ADGRG6: variants seen among roughly 807,000 people sequenced by gnomAD.
The protein encoded by ADGRG6 is G-protein coupled receptor 126.
Under a neutral mutation model 142.4 loss-of-function variants are expected in ADGRG6, and 84 were observed. The observed-to-expected ratio is 0.59, with a 90% CI of 0.49 to 0.71. The LOEUF is 0.71. Ranked by LOEUF, ADGRG6 falls within the 30% of genes least tolerant of loss-of-function variation. The pLI is 0.00. For synonymous variants in ADGRG6, 521 were observed against 520.5 expected, an observed-to-expected ratio of 1.00 and a Z score of -0.01; for missense variants, 1,367 against 1,466.6, an observed-to-expected ratio of 0.93 and a Z score of 1.11.
chr6:142,390,371 T>TA, intron 7 of ADGRG6, 28 bp downstream of exon 7: 10 of 1,345,466 alleles, frequency 7.4e-6, no homozygotes, highest in Admixed American at 1.9e-5. Flanking sequence ...TTTTCTTTTT[T>TA]AAAAAAATTC....
chr6:142,443,733 C>T lies in ADGRG6; in HGVS notation c.*218C>T, dbSNP rs1246231297. On this transcript the variant is annotated 3_prime_UTR_variant, in exon 25 of 25. Transcript: ENST00000367609. ...ACTAAAACTTCAGTACTGAGAGTAA[C>T]ATGACTCAGTAGCCACAGAAGCTAT... 2 of 418,114 alleles carry T rather than the reference C, an allele frequency of 4.8e-6. No individual in the cohort carries two copies. Among genetic ancestry groups the T allele is most frequent in the African/African-American group, 4.1e-5 (2 of 48,488 alleles). The allele number at this position is 418,114 out of a possible 1,614,324, so 25.9% of individuals were successfully genotyped here.
chr6:142,395,259 T>A (rs1301057715), intron 9 of ADGRG6, among the ~76,000 whole-genome samples: 2 of 152,190 alleles, frequency 1.3e-5, no homozygotes, highest in African/African-American at 4.8e-5. Flanking sequence ...AGTACTGTAT[T>A]CTTGAAGGTG....
intron 2 of ADGRG6, among the ~76,000 whole-genome samples, chr6:142,353,464 T>C (rs891245282): frequency 2.0e-5 from 3 of 152,192 alleles, no homozygotes; most frequent in Non-Finnish European, 4.4e-5. Context: ...ATCAAATCAG[T>C]TGAGACTTGA....
intron 2 of ADGRG6, among the ~76,000 whole-genome samples, chr6:142,313,540 T>A (rs1460797748): frequency 5.9e-5 from 9 of 152,156 alleles, no homozygotes; most frequent in Non-Finnish European, 1.3e-4. Context: ...CAAAGCACAG[T>A]GTTACTCTGA....
chr6:142,404,857 G>A (rs567866151), intron 14 of ADGRG6, among the ~76,000 whole-genome samples: 1 of 152,196 alleles, frequency 6.6e-6, no homozygotes, highest in African/African-American at 2.4e-5. Context: ...CAGTACGGCT[G>A]GACACATAAG....
At chr6:142,353,280 T>C (rs1386764518) in intron 2 of ADGRG6, among the ~76,000 whole-genome samples, 1 of 152,224 alleles carries the variant, frequency 6.6e-6, no homozygotes, top group African/African-American at 2.4e-5. Context: ...TTGCATTCTT[T>C]ATCACCAATT....
At chr6:142,375,016 C>T (rs571013591) in intron 4 of ADGRG6, among the ~76,000 whole-genome samples, 92 of 152,036 alleles carry the variant, frequency 6.1e-4, no homozygotes, top group Non-Finnish European at 1.2e-3. Flanking sequence ...TGTATTTCTC[C>T]AGTCTAACTG....
intron 17 of ADGRG6, 65 bp downstream of exon 17, chr6:142,409,984 C>T (rs1473453087): frequency 3.0e-6 from 2 of 674,082 alleles, no homozygotes; most frequent in Non-Finnish European, 5.1e-6. Flanking sequence ...TTGTTAGACA[C>T]CCCCATTTCC....
intron 24 of ADGRG6, among the ~76,000 whole-genome samples, chr6:142,440,714 T>G (rs1211313194): frequency 1.3e-5 from 2 of 152,186 alleles, no homozygotes; most frequent in Non-Finnish European, 2.9e-5. Context: ...ATGGCATTAC[T>G]TCAATGTTAT....
intron 2 of ADGRG6, among the ~76,000 whole-genome samples, chr6:142,316,124 T>C (rs1326080791): frequency 6.6e-6 from 1 of 152,180 alleles, no homozygotes; most frequent in African/African-American, 2.4e-5. Flanking sequence ...TATCTTGGTT[T>C]TTAGTCATTC....
At chr6:142,405,359 C>T (rs569448798) in intron 14 of ADGRG6, 55 of 471,744 alleles carry the variant, frequency 1.2e-4, no homozygotes, top group Non-Finnish European at 2.0e-4. Context: ...TCTTTCACTA[C>T]GTGTTTTGAG....
At chr6:142,388,770 C>A (rs1353336596) in intron 6 of ADGRG6, among the ~76,000 whole-genome samples, 1 of 151,990 alleles carries the variant, frequency 6.6e-6, no homozygotes, top group African/African-American at 2.4e-5. Context: ...CTGTTGTTTT[C>A]CCACCATCGT....
chr6:142,399,653 G>A (rs1775395988), intron 10 of ADGRG6, among the ~76,000 whole-genome samples: 1 of 152,140 alleles, frequency 6.6e-6, no homozygotes, highest in Admixed American at 6.6e-5. Flanking sequence ...AAATGAATCT[G>A]TGGATAAGCG....
chr6:142,324,231 T>C (rs749712130), intron 2 of ADGRG6, among the ~76,000 whole-genome samples: 5 of 152,112 alleles, frequency 3.3e-5, no homozygotes, highest in Non-Finnish European at 7.4e-5. Context: ...TAAAGCACTT[T>C]CCTATAAACA....
chr6:142,422,165 CT>C (rs111608922), intron 22 of ADGRG6, among the ~76,000 whole-genome samples: 15,214 of 146,072 alleles, frequency 0.1, 1,122 homozygotes, highest in African/African-American at 0.21. Flanking sequence ...AATTTTTTCT[CT>C]TTTTTTTTTT....
chr6:142,304,347 A>G (rs1169064024), intron 1 of ADGRG6, among the ~76,000 whole-genome samples: 1 of 152,164 alleles, frequency 6.6e-6, no homozygotes, highest in East Asian at 1.9e-4. Context: ...AGTTGTAGTG[A>G]CTGCATATTT....
chr6:142,416,980 A>T (rs1776395814), intron 20 of ADGRG6: 1 of 417,540 alleles, frequency 2.4e-6, no homozygotes. Flanking sequence ...TTTGATACAA[A>T]TCAGGTTTAG....
At chr6:142,323,189 C>A (rs528546659) in intron 2 of ADGRG6, among the ~76,000 whole-genome samples, 38 of 151,690 alleles carry the variant, frequency 2.5e-4, no homozygotes, top group African/African-American at 9.2e-4. Context: ...CTAATAGGAC[C>A]CATAATCATC....
rs1176275878 is a variant in ADGRG6, at chr6:142,416,045, A to G, written c.2919A>G (p.Lys973=). The G allele has an allele frequency of 3.7e-6, 6 of 1,612,308 alleles. No individual in the cohort carries two copies. The highest frequency in any genetic ancestry group is 5.1e-6 in the Non-Finnish European group (6 of 1,178,654). The change falls in exon 20 of 25, where the codon AAA becomes AAG. Residue 973 remains lysine, a synonymous_variant. Coordinates refer to ENST00000367609, the MANE Select transcript of ADGRG6 (RefSeq NM_198569.3). ...FNTYIRRYIL[K]FCIIGWGLPA... ...CTTACATTCGCCGATACATTCTAAAATTCTGCATCATTGGCTGGGGTAAGC... is the reference window on the plus strand; with the variant it reads ...CTTACATTCGCCGATACATTCTAAAGTTCTGCATCATTGGCTGGGGTAAGC...
Sources: gnomAD v4.1 joint callset for allele counts (sites outside exome capture counted in the v4.1 genomes callset) on GRCh38, gnomAD v4.1.1 for gene constraint, MANE v1.5 for transcripts, NCBI Gene and HGNC (gene_info 2026-07-23, HGNC 2026-07-21) for gene names.